Variants in PALM2AKAP2 observed in about 807,000 individuals in gnomAD.
PALM2AKAP2 encodes PALM2-AKAP2 fusion protein.
Under a neutral mutation model 71.5 loss-of-function variants are expected in PALM2AKAP2, and 37 were observed. The ratio of observed to expected loss-of-function variants is 0.52; its 90% CI spans 0.40 to 0.68. The LOEUF is 0.68. Among genes scored for constraint, PALM2AKAP2 ranks in the 30% least tolerant of loss-of-function variants. PALM2AKAP2 has a pLI of 0.00. For missense variants in PALM2AKAP2, 1,224 were observed against 1,191.8 expected, an observed-to-expected ratio of 1.03 and a Z score of -0.40; for synonymous variants, 468 against 478.8, an observed-to-expected ratio of 0.98 and a Z score of 0.29.
chr9:109,935,472 A>C (rs931209138), intron 6 of PALM2AKAP2, among the ~76,000 whole-genome samples: 4 of 152,138 alleles, frequency 2.6e-5, no homozygotes, highest in African/African-American at 9.7e-5. Flanking sequence ...AGTCCACAGG[A>C]ATATAAGGGA....
intron 1 of PALM2AKAP2, among the ~76,000 whole-genome samples, chr9:109,765,759 G>A (rs554423405): frequency 6.6e-6 from 1 of 152,302 alleles, no homozygotes; most frequent in East Asian, 1.9e-4. Context: ...TGATTCAGAA[G>A]GTCTCAGGGT....
chr9:109,764,306 A>C (rs371318346), intron 1 of PALM2AKAP2, among the ~76,000 whole-genome samples: 8 of 150,400 alleles, frequency 5.3e-5, no homozygotes, highest in African/African-American at 1.5e-4. Context: ...GCCATCTCCC[A>C]CCCCCCTCCA....
intron 1 of PALM2AKAP2, among the ~76,000 whole-genome samples, chr9:109,671,457 T>G (rs533070812): frequency 2.0e-4 from 30 of 152,336 alleles, no homozygotes; most frequent in Middle Eastern, 3.4e-3. Flanking sequence ...ATTCCATTGG[T>G]CTATGTGTCT....
At chr9:109,737,494 G>C (rs1828654599) in intron 1 of PALM2AKAP2, among the ~76,000 whole-genome samples, 1 of 152,230 alleles carries the variant, frequency 6.6e-6, no homozygotes, top group Non-Finnish European at 1.5e-5. Flanking sequence ...AAATGTTAGA[G>C]ACAGCAGCAG....
At chr9:110,106,605 G>A (rs965616625) in intron 1 of PALM2AKAP2, among the ~76,000 whole-genome samples, 13 of 152,144 alleles carry the variant, frequency 8.5e-5, no homozygotes, top group Non-Finnish European at 1.5e-4. Flanking sequence ...CATTGTCCCA[G>A]TGCAGCTCCA....
chr9:110,088,751 ACT>A (rs1231986094), intron 1 of PALM2AKAP2, among the ~76,000 whole-genome samples: 1 of 113,884 alleles, frequency 8.8e-6, no homozygotes. Context: ...ACAGAGTGTC[ACT>A]CTGTCGCCCA....
intron 1 of PALM2AKAP2, among the ~76,000 whole-genome samples, chr9:109,815,616 A>G (rs1420151543): frequency 3.9e-5 from 6 of 152,314 alleles, no homozygotes; most frequent in Admixed American, 6.5e-5. Flanking sequence ...CTGACAGGCA[A>G]TGGTACACAT....
chr9:109,681,097 A>G (rs2118517514), intron 1 of PALM2AKAP2, among the ~76,000 whole-genome samples: 1 of 152,370 alleles, frequency 6.6e-6, no homozygotes, highest in East Asian at 1.9e-4. Flanking sequence ...TGATTAGCAC[A>G]GCTTTTTACA....
chr9:110,032,420 C>T (rs1588068416), intron 7 of PALM2AKAP2, among the ~76,000 whole-genome samples: 1 of 151,882 alleles, frequency 6.6e-6, no homozygotes, highest in African/African-American at 2.4e-5. Flanking sequence ...CCGCCGGGTG[C>T]GGTGGCTTAC....
intron 1 of PALM2AKAP2, among the ~76,000 whole-genome samples, chr9:109,744,675 A>G (rs1019559888): frequency 6.6e-6 from 1 of 152,228 alleles, no homozygotes; most frequent in African/African-American, 2.4e-5. Flanking sequence ...GCCCCTTAAT[A>G]TAATTTGCTC....
chr9:110,003,723 T>A (rs143601359), intron 6 of PALM2AKAP2, among the ~76,000 whole-genome samples: 2,812 of 152,330 alleles, frequency 0.018, 98 homozygotes, highest in African/African-American at 0.064. Context: ...CTGTATTGGA[T>A]GCATATATAT....
intron 1 of PALM2AKAP2, among the ~76,000 whole-genome samples, chr9:109,697,106 T>A (rs1332768201): frequency 6.6e-6 from 1 of 152,074 alleles, no homozygotes; most frequent in African/African-American, 2.4e-5. Context: ...TTCTAGAGAA[T>A]CTCACCTAAG....
In PALM2AKAP2 at chr9:109,691,234, T is replaced by C. The variant is rs150630655; in HGVS notation, c.5+50368T>C. On this transcript the variant is annotated intron_variant, in intron 1 of 6. Transcript: ENST00000374531. ...ACACACAGCTTCATATATCCTGCAG[T>C]GAACTGTAATCTGTCAGCACAATAG... Among the ~76,000 whole-genome samples the C allele has an allele frequency of 1.2e-3, 177 of 149,754 alleles. 1 individual carries two copies. Among genetic ancestry groups the C allele is most frequent in the African/African-American group, 4.1e-3 (166 of 40,610 alleles).
intron 1 of PALM2AKAP2, among the ~76,000 whole-genome samples, chr9:109,861,504 A>G (rs1222008672): frequency 3.3e-5 from 5 of 152,162 alleles, no homozygotes; most frequent in African/African-American, 4.8e-5. Flanking sequence ...CCAGGAAAAT[A>G]TATAATTTAT....
intron 1 of PALM2AKAP2, among the ~76,000 whole-genome samples, chr9:109,716,270 A>G (rs980471163): frequency 3.3e-5 from 5 of 152,206 alleles, no homozygotes; most frequent in African/African-American, 1.2e-4. Context: ...GAGGGTCAAA[A>G]TTACATGATG....
chr9:110,057,356 C>A (rs566333635), intron 1 of PALM2AKAP2, among the ~76,000 whole-genome samples: 21 of 150,324 alleles, frequency 1.4e-4, no homozygotes, highest in Admixed American at 8.0e-4. Context: ...TCCTACCCAG[C>A]TCCTTCTCTG....
At chr9:109,888,180 G>T (rs1830009074) in intron 3 of PALM2AKAP2, among the ~76,000 whole-genome samples, 1 of 152,178 alleles carries the variant, frequency 6.6e-6, no homozygotes, top group Non-Finnish European at 1.5e-5. Context: ...TCTGAAAAGG[G>T]CTCCAGCATA....
At chr9:110,009,092 G>A (rs987070069) in intron 6 of PALM2AKAP2, among the ~76,000 whole-genome samples, 3 of 152,114 alleles carry the variant, frequency 2.0e-5, no homozygotes, top group Non-Finnish European at 4.4e-5. Flanking sequence ...TGTAGACAAT[G>A]AGCGAGAGCA....
chr9:109,999,973 G>A (rs1044955850), intron 6 of PALM2AKAP2, among the ~76,000 whole-genome samples: 1 of 147,692 alleles, frequency 6.8e-6, no homozygotes, highest in Non-Finnish European at 1.5e-5. Flanking sequence ...TGAAATTTTT[G>A]TATTTATTGA....
Sources: gnomAD v4.1 joint callset for allele counts (sites outside exome capture counted in the v4.1 genomes callset) on GRCh38, gnomAD v4.1.1 for gene constraint, MANE v1.5 for transcripts, NCBI Gene and HGNC (gene_info 2026-07-23, HGNC 2026-07-21) for gene names.